Variants in ANK2 observed in about 807,000 individuals in gnomAD.
The protein encoded by ANK2 is ankyrin 2, also known as ankyrin-2.
In ANK2, 83 loss-of-function variants were observed where a neutral mutation model predicts 360.5. That is an observed-to-expected ratio of 0.23 (90% CI 0.19 to 0.28). The LOEUF (loss-of-function observed/expected upper bound fraction) is 0.28, where lower values mean the gene tolerates loss of function less well. Ranked by LOEUF, ANK2 falls within the 10% of genes least tolerant of loss-of-function variation. The probability of loss-of-function intolerance (pLI) is 1.00; values close to 1 mark genes in which losing one functional copy is unlikely to be tolerated. For synonymous variants in ANK2, 1,740 were observed against 1,759.5 expected, an observed-to-expected ratio of 0.99 and a Z score of 0.28; for missense variants, 4,201 against 4,795.7, an observed-to-expected ratio of 0.88 and a Z score of 3.66.
intron 1 of ANK2, among the ~76,000 whole-genome samples, chr4:113,100,814 CA>C (rs1342828637): frequency 1.3e-5 from 2 of 151,988 alleles, no homozygotes; most frequent in African/African-American, 4.8e-5. Flanking sequence ...TATCAAGCCA[CA>C]AAAAAATATG....
At chr4:112,831,854 C>T (rs1252437325) in intron 1 of ANK2, among the ~76,000 whole-genome samples, 2 of 152,134 alleles carry the variant, frequency 1.3e-5, no homozygotes, top group African/African-American at 2.4e-5. Context: ...GACGTGCCAC[C>T]TTTATGAACT....
At chr4:112,727,626 C>T in the ANK2 span, among the ~76,000 whole-genome samples, 1 of 151,772 alleles carries the variant, frequency 6.6e-6, no homozygotes, top group Non-Finnish European at 1.5e-5. Context: ...ATAGAGGATA[C>T]CCAAATAAAA....
At chr4:112,834,065 A>G (rs2060460295) in intron 1 of ANK2, among the ~76,000 whole-genome samples, 1 of 152,194 alleles carries the variant, frequency 6.6e-6, no homozygotes, top group Non-Finnish European at 1.5e-5. Context: ...ATTCTCTGTC[A>G]GTACATACAA....
intron 1 of ANK2, among the ~76,000 whole-genome samples, chr4:113,163,535 CG>C (rs1187447264): frequency 6.6e-6 from 1 of 151,388 alleles, no homozygotes; most frequent in Non-Finnish European, 1.5e-5. Context: ...GAGGCCGAGG[CG>C]GGTGGATCAT....
Position 112,881,869 on chromosome 4 carries a change from A to G in ANK2, c.-39-22586A>G, listed in dbSNP as rs74731565. The G allele has an allele frequency of 7.0e-3, 5,446 of 773,398 alleles. 78 individuals carry two copies. Among genetic ancestry groups the G allele is most frequent in the African/African-American group, 0.031 (1,846 of 58,920 alleles). The allele number at this position is 773,398 out of a possible 1,614,324, so 47.9% of individuals were successfully genotyped here. On this transcript the variant is annotated intron_variant, in intron 1 of 30. Transcript: ENST00000503271. ...AAGTGGGCACCGGGTTTTTGAGAAT[A>G]TTCTCTTGAGACCGCTCTCTTTGGT...
intron 4 of ANK2, among the ~76,000 whole-genome samples, chr4:113,223,845 A>G (rs1042626839): frequency 2.0e-5 from 3 of 152,202 alleles, no homozygotes; most frequent in Non-Finnish European, 4.4e-5. Context: ...AGAGTTTCTC[A>G]TAAGGTTGTA....
chr4:113,264,741 C>A (rs1216441123), intron 13 of ANK2, among the ~76,000 whole-genome samples, 156 bp from the exon 14 acceptor site: 3 of 150,048 alleles, frequency 2.0e-5, no homozygotes, highest in East Asian at 1.9e-4. Context: ...AAAAAAGATA[C>A]AAATCTATAT....
chr4:113,194,094 T>C (rs2098713643), intron 2 of ANK2, among the ~76,000 whole-genome samples: 1 of 152,196 alleles, frequency 6.6e-6, no homozygotes, highest in South Asian at 2.1e-4. Context: ...AATTACATAA[T>C]GTGTCCTTTA....
chr4:113,367,899 C>T (rs1197382196), intron 42 of ANK2, 48 bp downstream of exon 42: 1 of 1,605,780 alleles, frequency 6.2e-7, no homozygotes, highest in African/African-American at 1.3e-5. Flanking sequence ...AAGAAACAGG[C>T]TATTGTGGAT....
At chr4:112,780,628 T>G in the ANK2 span, among the ~76,000 whole-genome samples, 2 of 152,018 alleles carry the variant, frequency 1.3e-5, no homozygotes, top group Non-Finnish European at 2.9e-5. Flanking sequence ...GACTGGGTAA[T>G]TTATAAAGGA....
chr4:112,770,182 A>C, the ANK2 span, among the ~76,000 whole-genome samples: 1 of 152,140 alleles, frequency 6.6e-6, no homozygotes, highest in Non-Finnish European at 1.5e-5. Context: ...ATCGAATCAC[A>C]ATAAAACTGG....
chr4:113,333,203 A>T lies in ANK2; in HGVS notation c.3374A>T (p.Asp1125Val). 2.5e-6 allele frequency: 4 copies of T among 1,614,152 alleles called. 1 individual carries two copies. The South Asian group carries it at 4.4e-5, about 18-fold the overall frequency. Residue 1125 changes from aspartate (D) to valine (V), a missense_variant, in exon 29 of 46, where the codon GAT becomes GTT. Physicochemically the swap from Asp to Val is radical, Grantham distance 152. Transcript: ENST00000357077. ...DELNEILNGM[D>V]EVLDSPEDLE... ...TTGAATGAAATTCTTAACGGCATGG[A>T]TGAAGGTACTTTCAGATGAAGCGTT...
intron 1 of ANK2, among the ~76,000 whole-genome samples, chr4:113,123,482 A>G (rs1309834291): frequency 6.6e-6 from 1 of 152,142 alleles, no homozygotes; most frequent in Non-Finnish European, 1.5e-5. Context: ...CTTCTTTACA[A>G]TAGTCTCAGT....
intron 1 of ANK2, among the ~76,000 whole-genome samples, chr4:112,821,360 A>G (rs1350497218): frequency 6.6e-6 from 1 of 152,142 alleles, no homozygotes; most frequent in Non-Finnish European, 1.5e-5. Context: ...AGATTGGGAA[A>G]TCTTTACAGA....
chr4:113,053,965 C>T lies in ANK2; in HGVS notation c.84+4153C>T, dbSNP rs189051151. Among the ~76,000 whole-genome samples the T allele has an allele frequency of 5.3e-5, 8 of 152,290 alleles. No individual in the cohort carries two copies. The East Asian group carries it at 1.4e-3, about 26-fold the overall frequency. ...CCATATTTTTGTGTGCAGCTCCACA[C>T]ACTTTCCAATTTTGTAGCAATAACA... On this transcript the variant is annotated intron_variant, in intron 1 of 45. Transcript: ENST00000357077.
intron 4 of ANK2, among the ~76,000 whole-genome samples, chr4:113,203,365 T>C (rs1161288978): frequency 6.6e-6 from 1 of 152,162 alleles, no homozygotes; most frequent in African/African-American, 2.4e-5. Context: ...CTCAAAATCA[T>C]GAGTTTCTTT....
chr4:113,340,888 C>T (rs1325332459), intron 32 of ANK2, among the ~76,000 whole-genome samples: 1 of 151,800 alleles, frequency 6.6e-6, no homozygotes, highest in Admixed American at 6.6e-5. Flanking sequence ...AAAACAAACC[C>T]TTTGGAAGTA....
At chr4:112,969,769 T>C (rs997746237) in intron 2 of ANK2, among the ~76,000 whole-genome samples, 1 of 152,228 alleles carries the variant, frequency 6.6e-6, no homozygotes, top group Non-Finnish European at 1.5e-5. Flanking sequence ...CTGTCCGTGG[T>C]AGATATGGAT....
intron 37 of ANK2, among the ~76,000 whole-genome samples, chr4:113,352,639 G>A (rs1018185107): frequency 2.6e-5 from 4 of 151,286 alleles, no homozygotes; most frequent in African/African-American, 9.7e-5. Flanking sequence ...TTTTCCTCAT[G>A]GTTGGTTTTC....
Sources: allele counts gnomAD v4.1 joint callset (sites outside exome capture counted in the v4.1 genomes callset), GRCh38; gene constraint gnomAD v4.1.1; transcripts MANE v1.5; gene names NCBI Gene and HGNC (gene_info 2026-07-23, HGNC 2026-07-21).